The following C7orf78 variants were observed in gnomAD, a reference collection of about 807,000 sequenced individuals.
C7orf78 encodes chromosome 7 open reading frame 78, also known as putative uncharacterized protein C7orf78.
chr7:12,491,071 TAA>T, the C7orf78 span: 2 of 152,212 alleles, frequency 1.3e-5, no homozygotes, highest in African/African-American at 4.8e-5. Flanking sequence ...AAGGAAAAGC[TAA>T]GACTTGTCTT....
chr7:12,511,099 G>A, the C7orf78 span, among the ~76,000 whole-genome samples: 1 of 151,688 alleles, frequency 6.6e-6, no homozygotes, highest in Admixed American at 6.6e-5. Flanking sequence ...TCATTCTCCT[G>A]CCTGTGGTTA....
At chr7:12,515,388 C>T in the C7orf78 span, among the ~76,000 whole-genome samples, 1 of 152,216 alleles carries the variant, frequency 6.6e-6, no homozygotes, top group African/African-American at 2.4e-5. Context: ...ATTCTGAGGC[C>T]TCCCCAGCCA....
At chr7:12,495,942 T>C in the C7orf78 span, among the ~76,000 whole-genome samples, 1 of 152,136 alleles carries the variant, frequency 6.6e-6, no homozygotes, top group South Asian at 2.1e-4. Flanking sequence ...TTTTTTTTTT[T>C]TGAGACGGAG....
At chr7:12,522,298 T>C in the C7orf78 span, among the ~76,000 whole-genome samples, 4 of 152,128 alleles carry the variant, frequency 2.6e-5, no homozygotes, top group Non-Finnish European at 4.4e-5. Context: ...TCTGAATTCA[T>C]TGAATCATCC....
chr7:12,531,795 T>A, the C7orf78 span, among the ~76,000 whole-genome samples: 1 of 152,010 alleles, frequency 6.6e-6, no homozygotes, highest in Non-Finnish European at 1.5e-5. Flanking sequence ...CACAGACACA[T>A]GTGGGTGGGT....
At chr7:12,524,502 T>C in the C7orf78 span, among the ~76,000 whole-genome samples, 36,515 of 152,032 alleles carry the variant, frequency 0.24, 5,431 homozygotes, top group African/African-American at 0.41. Context: ...ATGTTACCTT[T>C]TGGAGATGAG....
At chr7:12,529,096 C>G in the C7orf78 span, 1 of 397,990 alleles carries the variant, frequency 2.5e-6, no homozygotes, top group Admixed American at 4.4e-5. Context: ...GCACTGTTGT[C>G]GACAATTGCT....
At chr7:12,508,865 G>T in the C7orf78 span, among the ~76,000 whole-genome samples, 1 of 152,198 alleles carries the variant, frequency 6.6e-6, no homozygotes, top group Non-Finnish European at 1.5e-5. Flanking sequence ...AATGCCTGAT[G>T]ATCTGTCACT....
chr7:12,540,278 C>G, the C7orf78 span, among the ~76,000 whole-genome samples: 2 of 152,304 alleles, frequency 1.3e-5, no homozygotes, highest in South Asian at 2.1e-4. Flanking sequence ...CTCCCCTCAC[C>G]TAAGTGGGAA....
chr7:12,512,057 G>C, the C7orf78 span, among the ~76,000 whole-genome samples: 1 of 151,348 alleles, frequency 6.6e-6, no homozygotes, highest in Admixed American at 6.6e-5. Context: ...TTACAGGCGT[G>C]AGCCACCACG....
At chr7:12,505,738 T>C in the C7orf78 span, among the ~76,000 whole-genome samples, 1 of 152,168 alleles carries the variant, frequency 6.6e-6, no homozygotes, top group Non-Finnish European at 1.5e-5. Flanking sequence ...ATTTCTCTAA[T>C]CTTTAGTTTT....
the C7orf78 span, among the ~76,000 whole-genome samples, chr7:12,497,180 T>C: frequency 6.6e-6 from 1 of 152,142 alleles, no homozygotes; most frequent in Non-Finnish European, 1.5e-5. Flanking sequence ...TCAAATAAAC[T>C]GTAAAGAAAA....
At chr7:12,531,873 A>G in the C7orf78 span, among the ~76,000 whole-genome samples, 3 of 152,170 alleles carry the variant, frequency 2.0e-5, no homozygotes, top group Non-Finnish European at 4.4e-5. Context: ...AGAGAGAAAC[A>G]TCGGAAAAAG....
chr7:12,524,539 C>T, the C7orf78 span, among the ~76,000 whole-genome samples: 2 of 146,704 alleles, frequency 1.4e-5, no homozygotes, highest in Non-Finnish European at 3.0e-5. Flanking sequence ...TTAAATGTTA[C>T]TGGTTTATTT....
At chr7:12,514,242 C>T in the C7orf78 span, among the ~76,000 whole-genome samples, 3 of 152,034 alleles carry the variant, frequency 2.0e-5, no homozygotes, top group African/African-American at 4.8e-5. Context: ...GTTGGGTGCA[C>T]ATATACCTAG....
At chr7:12,498,466 C>G in the C7orf78 span, among the ~76,000 whole-genome samples, 1 of 151,498 alleles carries the variant, frequency 6.6e-6, no homozygotes, top group African/African-American at 2.4e-5. Flanking sequence ...ATGCGATCAA[C>G]TGGAAGAAAG....
At chr7:12,530,396 T>A in the C7orf78 span, 3 of 152,206 alleles carry the variant, frequency 2.0e-5, no homozygotes, top group Admixed American at 2.0e-4. Context: ...GGGCCTGCTA[T>A]CTGTCATGTG....
the C7orf78 span, among the ~76,000 whole-genome samples, chr7:12,504,829 A>G: frequency 7.7e-3 from 1,172 of 152,210 alleles, 20 homozygotes; most frequent in African/African-American, 0.027. Context: ...TGTGGTCTAA[A>G]AAGTTTACTG....
chr7:12,489,862 T>C, the C7orf78 span, among the ~76,000 whole-genome samples: 14 of 152,098 alleles, frequency 9.2e-5, no homozygotes, highest in Non-Finnish European at 1.3e-4. Flanking sequence ...CAGGAGAAAG[T>C]GACAGGTGGC....
Sources: gnomAD v4.1 joint callset for allele counts (sites outside exome capture counted in the v4.1 genomes callset) on GRCh38, gnomAD v4.1.1 for gene constraint, MANE v1.5 for transcripts, NCBI Gene and HGNC (gene_info 2026-07-23, HGNC 2026-07-21) for gene names.